The following RBM26 variants were observed in gnomAD, a reference collection of about 807,000 sequenced individuals.
RBM26 encodes the protein RNA-binding protein 26.
RBM26 carries 30 observed loss-of-function variants against 123.6 expected under a neutral mutation model. That is an observed-to-expected ratio of 0.24 (90% CI 0.18 to 0.33). The LOEUF (loss-of-function observed/expected upper bound fraction) is 0.33. Among genes scored for constraint, RBM26 ranks in the 10% least tolerant of loss-of-function variants. The pLI is 1.00. For missense variants in RBM26, 947 were observed against 1,203.6 expected (o/e 0.79, Z 3.15); for synonymous variants, 400 against 404.4 (o/e 0.99, Z 0.13).
chr13:79,402,264 C>T (rs1364840136), intron 1 of RBM26, among the ~76,000 whole-genome samples: 1 of 151,868 alleles, frequency 6.6e-6, no homozygotes, highest in East Asian at 1.9e-4. Flanking sequence ...CAATCTTAAG[C>T]ATTTCAAGAT....
At chr13:79,399,866 A>G (rs1437220897) in intron 1 of RBM26, among the ~76,000 whole-genome samples, 1 of 152,206 alleles carries the variant, frequency 6.6e-6, no homozygotes, top group Non-Finnish European at 1.5e-5. Flanking sequence ...TGAAATTAAA[A>G]TAAGTGAATC....
rs2067551713 is a variant in RBM26, at chr13:79,320,612, T to C, written c.*9A>G. On this transcript the variant is annotated 3_prime_UTR_variant, in exon 22 of 22. Coordinates refer to ENST00000438737, the MANE Select transcript of RBM26 (RefSeq NM_001366735.2). ...AGTTCTAGCATATGCAGATCAATGA[T>C]CAGTCAAATCATCTTCTCCAAGAAC... 2 of 1,581,732 alleles carry C rather than the reference T, an allele frequency of 1.3e-6. No homozygotes were observed. Among genetic ancestry groups the C allele is most frequent in the South Asian group, 1.2e-5 (1 of 85,086 alleles).
Position 79,362,145 on chromosome 13 carries a change from C to G in RBM26, c.1418-2459G>C, listed in dbSNP as rs1015420711. On this transcript the variant is annotated intron_variant, in intron 9 of 21. Coordinates refer to ENST00000438737, the MANE Select transcript of RBM26 (RefSeq NM_001366735.2). ...CACTGGACATTTCTACTCAAATGCC[C>G]CAGGGGGACAAGAAGTTAAACACTT... Among the ~76,000 whole-genome samples, 11 of 152,072 alleles carry G rather than the reference C, an allele frequency of 7.2e-5. No individual in the cohort carries two copies. The South Asian group carries it at 8.3e-4, about 11-fold the overall frequency.
chr13:79,351,250 T>C (rs2073164849), intron 14 of RBM26, among the ~76,000 whole-genome samples: 1 of 152,158 alleles, frequency 6.6e-6, no homozygotes, highest in Admixed American at 6.5e-5. Flanking sequence ...AATTTCTCAG[T>C]AGTACACTAA....
chr13:79,365,761 C>A, intron 8 of RBM26, 43 bp from the exon 9 acceptor site: 1 of 1,569,260 alleles, frequency 6.4e-7, no homozygotes, highest in South Asian at 1.1e-5. Flanking sequence ...TTATAAAACT[C>A]CACTTGGTAA....
At chr13:79,355,428 T>C in intron 11 of RBM26, 44 bp from the exon 12 acceptor site, 3 of 1,517,570 alleles carry the variant, frequency 2.0e-6, no homozygotes, top group Non-Finnish European at 2.7e-6. Flanking sequence ...CAAAGGAATC[T>C]GTTGCTTCAT....
At chr13:79,351,385 C>G (rs1025481269) in intron 14 of RBM26, among the ~76,000 whole-genome samples, 1 of 152,080 alleles carries the variant, frequency 6.6e-6, no homozygotes, top group Non-Finnish European at 1.5e-5. Flanking sequence ...TCTATCACCT[C>G]AAACACTTCC....
At chr13:79,372,579 AT>A in intron 3 of RBM26, among the ~76,000 whole-genome samples, 1 of 150,358 alleles carries the variant, frequency 6.7e-6, no homozygotes, top group Non-Finnish European at 1.5e-5. Flanking sequence ...AGTCTAACAT[AT>A]ATTCATGTTT....
At chr13:79,396,847 C>CA (rs1329059342) in intron 1 of RBM26, among the ~76,000 whole-genome samples, 3 of 152,012 alleles carry the variant, frequency 2.0e-5, no homozygotes, top group Non-Finnish European at 2.9e-5. Context: ...ACCATATTAA[C>CA]AAAAAAACGG....
chr13:79,378,944 A>T (rs759293519), intron 1 of RBM26, 37 bp from the exon 2 acceptor site: 3 of 1,216,588 alleles, frequency 2.5e-6, no homozygotes, highest in Non-Finnish European at 3.6e-6. Context: ...AAATTTAGCC[A>T]ACTGCACATT....
intron 1 of RBM26, among the ~76,000 whole-genome samples, chr13:79,382,009 T>C (rs1466889078): frequency 1.3e-5 from 2 of 152,126 alleles, no homozygotes; most frequent in Non-Finnish European, 2.9e-5. Context: ...GTTCCATTTT[T>C]ACTTCAATAT....
chr13:79,365,938 G>A (rs938346661), intron 8 of RBM26, 117 bp downstream of exon 8: 12 of 1,065,568 alleles, frequency 1.1e-5, no homozygotes, highest in Admixed American at 4.9e-5. Context: ...CATTCACCAC[G>A]GCTACATAAT....
chr13:79,315,506 A>G (rs1391409879), downstream of RBM26, among the ~76,000 whole-genome samples: 1 of 151,834 alleles, frequency 6.6e-6, no homozygotes, highest in Non-Finnish European at 1.5e-5. Flanking sequence ...ACAAAGGCCC[A>G]CAGTAAAAAT....
intron 5 of RBM26, among the ~76,000 whole-genome samples, chr13:79,369,392 TTAAGA>T (rs2075655817): frequency 6.6e-6 from 1 of 152,182 alleles, no homozygotes; most frequent in Non-Finnish European, 1.5e-5. Flanking sequence ...GGCTGTTATA[TTAAGA>T]TAAGAACGGA....
intron 14 of RBM26, among the ~76,000 whole-genome samples, chr13:79,351,610 G>C (rs1379674781): frequency 6.8e-6 from 1 of 148,092 alleles, no homozygotes; most frequent in Non-Finnish European, 1.5e-5. Flanking sequence ...GCGGCGGGGG[G>C]GGAAATGCAC....
chr13:79,312,672 A>G (rs1332856780), exon 5 of RBM26: 1 of 151,920 alleles, frequency 6.6e-6, no homozygotes, highest in Middle Eastern at 3.2e-3. Context: ...TAACAAAACA[A>G]TTTTCTTTTT....
chr13:79,324,246 C>T (rs188459637), intron 20 of RBM26, among the ~76,000 whole-genome samples: 11 of 151,840 alleles, frequency 7.2e-5, no homozygotes, highest in South Asian at 2.1e-4. Context: ...GGTATGTATA[C>T]GGAAACATAC....
At chr13:79,313,025 C>A (rs1275154207) in exon 5 of RBM26, 1 of 151,514 alleles carries the variant, frequency 6.6e-6, no homozygotes, top group African/African-American at 2.4e-5. Flanking sequence ...ATTAAAAAAA[C>A]AAATATAGCA....
chr13:79,375,081 T>TATAAATATATATTTATATATC (rs1555332795), intron 3 of RBM26, among the ~76,000 whole-genome samples: 18,678 of 104,302 alleles, frequency 0.18, 3,447 homozygotes, highest in African/African-American at 0.46. Context: ...TTATATGATA[T>TATAAATATATATTTATATATC]ATATAAATAT....
Sources: gnomAD v4.1 joint callset for allele counts (sites outside exome capture counted in the v4.1 genomes callset) on GRCh38, gnomAD v4.1.1 for gene constraint, MANE v1.5 for transcripts, NCBI Gene and HGNC (gene_info 2026-07-23, HGNC 2026-07-21) for gene names.